The following KCNJ6 variants were observed in gnomAD, a reference collection of about 807,000 sequenced individuals.
KCNJ6 encodes G protein-activated inward rectifier potassium channel 2.
A neutral mutation model predicts 34.2 loss-of-function variants in KCNJ6; 9 were observed. The ratio of observed to expected loss-of-function variants is 0.26; its 90% CI spans 0.16 to 0.46. The LOEUF (loss-of-function observed/expected upper bound fraction) is 0.46. Among genes scored for constraint, KCNJ6 ranks in the 20% least tolerant of loss-of-function variants. The pLI is 1.00. For synonymous variants in KCNJ6, 196 were observed against 207.1 expected (o/e 0.95, Z 0.46); for missense variants, 236 against 531.3 (o/e 0.44, Z 5.46).
chr21:37,764,604 C>T (rs2055082056), intron 2 of KCNJ6, among the ~76,000 whole-genome samples: 1 of 152,098 alleles, frequency 6.6e-6, no homozygotes, highest in African/African-American at 2.4e-5. Flanking sequence ...GTCTTGAACT[C>T]CTGACCTCAG....
chr21:37,780,402 T>C (rs2055163534), intron 2 of KCNJ6, among the ~76,000 whole-genome samples: 1 of 152,184 alleles, frequency 6.6e-6, no homozygotes. Flanking sequence ...TACTTAAACA[T>C]CATGTAGTTG....
chr21:37,683,666 A>T (rs953892215), intron 3 of KCNJ6, among the ~76,000 whole-genome samples: 4 of 152,164 alleles, frequency 2.6e-5, no homozygotes, highest in Admixed American at 6.5e-5. Context: ...CCTGGCAGGG[A>T]GGTAGAAAGG....
chr21:37,915,285 G>A (rs146054031), intron 1 of KCNJ6, among the ~76,000 whole-genome samples: 6 of 152,200 alleles, frequency 3.9e-5, no homozygotes, highest in African/African-American at 1.4e-4. Context: ...AAATAATTCA[G>A]TTTACTCCTA....
chr21:37,812,372 A>C (rs2055327292), intron 2 of KCNJ6, among the ~76,000 whole-genome samples: 1 of 152,194 alleles, frequency 6.6e-6, no homozygotes, highest in South Asian at 2.1e-4. Flanking sequence ...GAGAAAAGAA[A>C]AGTGGCCATC....
intron 2 of KCNJ6, among the ~76,000 whole-genome samples, chr21:37,838,612 G>A (rs1490063176): frequency 6.6e-6 from 1 of 152,230 alleles, no homozygotes; most frequent in African/African-American, 2.4e-5. Flanking sequence ...TGTGGATTGT[G>A]AATTAGTTGA....
intron 1 of KCNJ6, among the ~76,000 whole-genome samples, chr21:37,912,039 T>C (rs1230998433): frequency 6.6e-6 from 1 of 152,154 alleles, no homozygotes; most frequent in African/African-American, 2.4e-5. Context: ...TTCATGTAAG[T>C]CCTATGTATT....
chr21:37,652,514 T>C (rs1262807089), intron 3 of KCNJ6, among the ~76,000 whole-genome samples: 4 of 152,160 alleles, frequency 2.6e-5, no homozygotes, highest in African/African-American at 9.7e-5. Context: ...TGTTTTGTTT[T>C]AATGGGAGAG....
chr21:37,900,267 C>CA (rs903376287), intron 1 of KCNJ6, among the ~76,000 whole-genome samples: 2 of 151,836 alleles, frequency 1.3e-5, no homozygotes, highest in African/African-American at 4.8e-5. Context: ...TTTACAACAA[C>CA]AAAAAAAGGG....
chr21:37,865,963 T>A, intron 1 of KCNJ6, among the ~76,000 whole-genome samples: 1 of 101,928 alleles, frequency 9.8e-6, no homozygotes, highest in South Asian at 2.9e-4. Context: ...AAACCAAATT[T>A]CAACAAATTA....
At chr21:37,838,862 G>A (rs796405301) in intron 2 of KCNJ6, among the ~76,000 whole-genome samples, 10 of 152,152 alleles carry the variant, frequency 6.6e-5, no homozygotes, top group Non-Finnish European at 1.2e-4. Flanking sequence ...TCACGGGGGC[G>A]GATTTCCCCT....
At chr21:37,640,059 C>T (rs576860096) in intron 3 of KCNJ6, among the ~76,000 whole-genome samples, 2 of 152,222 alleles carry the variant, frequency 1.3e-5, no homozygotes, top group Non-Finnish European at 2.9e-5. Flanking sequence ...ACAATCCTTC[C>T]TGTGTCTCCT....
intron 2 of KCNJ6, among the ~76,000 whole-genome samples, chr21:37,800,512 T>C (rs2055263786): frequency 6.6e-6 from 1 of 152,230 alleles, no homozygotes; most frequent in South Asian, 2.1e-4. Flanking sequence ...AATTAAGTGT[T>C]GATTATTTCT....
intron 3 of KCNJ6, among the ~76,000 whole-genome samples, chr21:37,660,699 C>T (rs2054484241): frequency 6.6e-6 from 1 of 152,168 alleles, no homozygotes; most frequent in Non-Finnish European, 1.5e-5. Context: ...CCATGAGGTT[C>T]AGAGCATGCT....
chr21:37,650,549 C>T (rs745439452), intron 3 of KCNJ6, among the ~76,000 whole-genome samples: 15 of 152,164 alleles, frequency 9.9e-5, no homozygotes, highest in East Asian at 5.8e-4. Flanking sequence ...GCCTGGACTA[C>T]GCTTCCTCTC....
chr21:37,805,907 G>A (rs755692762), intron 2 of KCNJ6, among the ~76,000 whole-genome samples: 13 of 152,122 alleles, frequency 8.5e-5, no homozygotes, highest in Non-Finnish European at 1.9e-4. Context: ...AGCCTTCAGC[G>A]ACAGCATGAC....
intron 1 of KCNJ6, among the ~76,000 whole-genome samples, chr21:37,841,793 A>T (rs1280294283): frequency 6.6e-6 from 1 of 152,246 alleles, no homozygotes; most frequent in Admixed American, 6.5e-5. Flanking sequence ...GGATTATATC[A>T]TCATTTCCTT....
intron 3 of KCNJ6, among the ~76,000 whole-genome samples, chr21:37,638,047 G>C (rs1207045434): frequency 6.6e-6 from 1 of 152,180 alleles, no homozygotes; most frequent in East Asian, 1.9e-4. Flanking sequence ...AGTGGGGTGA[G>C]GGTTCTCATT....
At chr21:37,655,179 T>TTGTG (rs369378573) in intron 3 of KCNJ6, among the ~76,000 whole-genome samples, 10 of 23,990 alleles carry the variant, frequency 4.2e-4, no homozygotes, top group Non-Finnish European at 6.6e-4. Flanking sequence ...CTCTAGACAT[T>TTGTG]TGTGTGTGTG....
At chr21:37,731,081 A>G (rs1262027609) in intron 2 of KCNJ6, among the ~76,000 whole-genome samples, 1 of 131,698 alleles carries the variant, frequency 7.6e-6, no homozygotes. Context: ...CCTTTCTGCC[A>G]TTGCAGATAG....
Sources: allele counts gnomAD v4.1 joint callset (sites outside exome capture counted in the v4.1 genomes callset), GRCh38; gene constraint gnomAD v4.1.1; transcripts MANE v1.5; gene names NCBI Gene and HGNC (gene_info 2026-07-23, HGNC 2026-07-21).